Variants in EPHB1 observed in about 807,000 individuals in gnomAD.
The protein encoded by EPHB1 is ephrin type-B receptor 1.
In EPHB1, 30 loss-of-function variants were observed where a neutral mutation model predicts 94.4. That is an observed-to-expected ratio of 0.32 (90% confidence interval 0.24 to 0.43). EPHB1 has a LOEUF of 0.43. Ranked by LOEUF, EPHB1 falls within the 20% of genes least tolerant of loss-of-function variation. The pLI, the probability that EPHB1 is intolerant of heterozygous loss-of-function variation, is 1.00. For missense variants in EPHB1, 1,055 were observed against 1,308.3 expected (o/e 0.81, Z 2.99); for synonymous variants, 522 against 489.1 (o/e 1.07, Z -0.89).
At chr3:135,244,801 C>T (rs1281845405) in intron 13 of EPHB1, among the ~76,000 whole-genome samples, 1 of 152,158 alleles carries the variant, frequency 6.6e-6, no homozygotes, top group Non-Finnish European at 1.5e-5. Context: ...TCTCCAAAGG[C>T]ATTGTACTTC....
At chr3:135,002,391 G>T (rs1002192212) in intron 3 of EPHB1, among the ~76,000 whole-genome samples, 12 of 152,152 alleles carry the variant, frequency 7.9e-5, no homozygotes, top group Non-Finnish European at 1.6e-4. Flanking sequence ...GTTCATCAAG[G>T]ATATTGGTGA....
At chr3:134,948,230 G>A (rs1226167117) in intron 2 of EPHB1, among the ~76,000 whole-genome samples, 1 of 151,832 alleles carries the variant, frequency 6.6e-6, no homozygotes, top group African/African-American at 2.4e-5. Context: ...GGGGTCACAT[G>A]CTTCACCTGT....
chr3:134,819,278 C>T (rs1260506077), intron 1 of EPHB1, among the ~76,000 whole-genome samples: 2 of 152,014 alleles, frequency 1.3e-5, no homozygotes, highest in Non-Finnish European at 1.5e-5. Flanking sequence ...CTCCCTATGC[C>T]TTAGGGGATG....
rs1030438303 is a variant in EPHB1 at position 134,824,805 on chromosome 3, C to T, written c.58+29116C>T. On this transcript the variant is annotated intron_variant, in intron 1 of 15. Coordinates refer to ENST00000398015, the MANE Select transcript of EPHB1 (RefSeq NM_004441.5). Reference sequence around the variant, plus strand: ...GGCCATGTATGGGTACTTCAATTGACAGCCCAAGGTGAGCTTCCAGCTGAC... The same window carrying T: ...GGCCATGTATGGGTACTTCAATTGATAGCCCAAGGTGAGCTTCCAGCTGAC... Among the ~76,000 whole-genome samples, 3 of 152,130 alleles carry T rather than the reference C, an allele frequency of 2.0e-5. No homozygotes were observed. The East Asian group carries it at 5.8e-4, about 29-fold the overall frequency.
At chr3:135,187,075 A>T (rs1273203292) in intron 10 of EPHB1, among the ~76,000 whole-genome samples, 1 of 152,244 alleles carries the variant, frequency 6.6e-6, no homozygotes, top group Admixed American at 6.5e-5. Flanking sequence ...CCACAGTTCG[A>T]GAACCACTGC....
At position 134,965,426 on chromosome 3, in the gene EPHB1, G is replaced by A. The variant is rs982964409; in HGVS notation, c.805+13374G>A. ...CTAAGAGTTTCCTCTAGGGCCAGGCGAGGTGGCTCATGCCTGTAGTCCCAG... is the reference window on the plus strand; with the variant it reads ...CTAAGAGTTTCCTCTAGGGCCAGGCAAGGTGGCTCATGCCTGTAGTCCCAG... On this transcript the variant is annotated intron_variant, in intron 3 of 15. Coordinates refer to ENST00000398015, the MANE Select transcript of EPHB1 (RefSeq NM_004441.5). Among the ~76,000 whole-genome samples the A allele has an allele frequency of 1.2e-4, 18 of 152,222 alleles. 2 individuals carry two copies. Among genetic ancestry groups the A allele is most frequent in the East Asian group, 5.8e-4 (3 of 5,162 alleles).
At chr3:134,941,141 GTGGGGT>G (rs1348693539) in intron 2 of EPHB1, among the ~76,000 whole-genome samples, 1 of 152,254 alleles carries the variant, frequency 6.6e-6, no homozygotes, top group East Asian at 1.9e-4. Flanking sequence ...CGGGCCTGGT[GTGGGGT>G]GGGGGACATT....
At chr3:135,152,070 A>G (rs1941210832) in intron 5 of EPHB1, among the ~76,000 whole-genome samples, 1 of 152,234 alleles carries the variant, frequency 6.6e-6, no homozygotes, top group African/African-American at 2.4e-5. Flanking sequence ...CCAAGCCCCA[A>G]GCCTAAGGAG....
At chr3:135,092,674 G>A (rs1215538394) in intron 3 of EPHB1, among the ~76,000 whole-genome samples, 1 of 145,532 alleles carries the variant, frequency 6.9e-6, no homozygotes, top group Non-Finnish European at 1.5e-5. Flanking sequence ...CACCCTGGCT[G>A]GAGTGCAGTG....
chr3:135,165,914 C>G, intron 7 of EPHB1, 54 bp from the exon 8 acceptor site: 1 of 1,284,388 alleles, frequency 7.8e-7, no homozygotes, highest in Non-Finnish European at 1.1e-6. Flanking sequence ...CACTGAGTAT[C>G]AGCTGTATGC....
chr3:134,818,504 T>A (rs2108288914), intron 1 of EPHB1, among the ~76,000 whole-genome samples: 1 of 152,332 alleles, frequency 6.6e-6, no homozygotes, highest in South Asian at 2.1e-4. Flanking sequence ...ACCATATTTG[T>A]AGTCTTTTAT....
At chr3:135,150,173 C>T (rs1031933098) in intron 5 of EPHB1, among the ~76,000 whole-genome samples, 1 of 152,210 alleles carries the variant, frequency 6.6e-6, no homozygotes, top group Non-Finnish European at 1.5e-5. Flanking sequence ...TTGATCTTTC[C>T]ATTTTTTAAA....
At chr3:135,092,336 G>A (rs1347056599) in intron 3 of EPHB1, among the ~76,000 whole-genome samples, 1 of 152,086 alleles carries the variant, frequency 6.6e-6, no homozygotes, top group Admixed American at 6.6e-5. Context: ...GGTGCCAGGG[G>A]CCCCGTGAAG....
chr3:135,230,853 G>A (rs760050290), intron 12 of EPHB1, among the ~76,000 whole-genome samples: 5 of 152,162 alleles, frequency 3.3e-5, no homozygotes, highest in Admixed American at 6.5e-5. Flanking sequence ...ATTCATTTAG[G>A]ATTCTGGCCT....
chr3:135,127,330 C>A (rs66745619), intron 4 of EPHB1, among the ~76,000 whole-genome samples: 35,277 of 152,144 alleles, frequency 0.23, 4,737 homozygotes, highest in Non-Finnish European at 0.31. Context: ...AGGGCCCCAC[C>A]TCTGGCCTGA....
chr3:134,994,011 T>C (rs1025897325), intron 3 of EPHB1, among the ~76,000 whole-genome samples: 14 of 152,238 alleles, frequency 9.2e-5, no homozygotes, highest in African/African-American at 3.1e-4. Context: ...TTAGCCCAGA[T>C]GCCATCTCTT....
At chr3:135,209,875 G>A (rs6439563) in intron 12 of EPHB1, among the ~76,000 whole-genome samples, 71,719 of 152,040 alleles carry the variant, frequency 0.47, 17,013 homozygotes, top group South Asian at 0.48. Context: ...AGGAGGCTAC[G>A]GGGCAATGGG....
chr3:135,015,082 A>G (rs1187663988), intron 3 of EPHB1, among the ~76,000 whole-genome samples: 1 of 151,748 alleles, frequency 6.6e-6, no homozygotes, highest in African/African-American at 2.4e-5. Flanking sequence ...ACAGGACCTC[A>G]CCTCCACCTC....
chr3:135,174,201 G>T (rs1941909590), intron 9 of EPHB1, among the ~76,000 whole-genome samples: 1 of 152,124 alleles, frequency 6.6e-6, no homozygotes, highest in African/African-American at 2.4e-5. Flanking sequence ...CCCTGCTGAT[G>T]GAACCATTGT....
Sources: gnomAD v4.1 joint callset for allele counts (sites outside exome capture counted in the v4.1 genomes callset) on GRCh38, gnomAD v4.1.1 for gene constraint, MANE v1.5 for transcripts, NCBI Gene and HGNC (gene_info 2026-07-23, HGNC 2026-07-21) for gene names.